The following CFLAR variants were observed in gnomAD, a reference collection of about 807,000 sequenced individuals.
CFLAR encodes the protein CASP8 and FADD-like apoptosis regulator.
Under a neutral mutation model 51.1 loss-of-function variants are expected in CFLAR, and 14 were observed. That is an observed-to-expected ratio of 0.27 (90% confidence interval 0.18 to 0.43). The LOEUF (loss-of-function observed/expected upper bound fraction) is 0.43. CFLAR is among the 20% of genes least tolerant of loss of function. CFLAR has a pLI of 1.00. For missense variants in CFLAR, 390 were observed against 566.5 expected, an observed-to-expected ratio of 0.69 and a Z score of 3.16; for synonymous variants, 210 against 211.6, an observed-to-expected ratio of 0.99 and a Z score of 0.06.
At chr2:201,136,432 T>C (rs1205541408) in intron 4 of CFLAR, 1 of 1,598,378 alleles carries the variant, frequency 6.3e-7, no homozygotes, top group Non-Finnish European at 8.5e-7. Context: ...TGCTGAACCC[T>C]ACTGCCTTGC....
chr2:201,161,037 C>T (rs1942924753), intron 9 of CFLAR, 95 bp downstream of exon 9: 1 of 849,520 alleles, frequency 1.2e-6, no homozygotes, highest in Admixed American at 2.5e-5. Flanking sequence ...CTGCCCATCT[C>T]TTCCGGGAGG....
At position 201,138,402 on chromosome 2, in the gene CFLAR, C is replaced by T; in HGVS notation, c.524-1955C>T. 1.3e-6 allele frequency: 1 copy of T among 783,574 alleles called. No individual in the cohort carries two copies. The highest frequency in any genetic ancestry group is 2.3e-6 in the Non-Finnish European group (1 of 428,398). 48.5% of individuals were successfully genotyped at this position (783,574 alleles called of 1,614,324 possible). ...TTCAGCGCGGTGCAGGTGATAATGG[C>T]CACCAGCTCATCGCGATCATTGACG... On this transcript the variant is annotated intron_variant, in intron 4 of 9. Coordinates refer to ENST00000309955, the MANE Select transcript of CFLAR (RefSeq NM_003879.7). This position sits in a 1 kb window ranked among gnomAD's most constrained non-coding sequence, Gnocchi z 4.0.
Position 201,133,085 on chromosome 2 carries a change from T to C in CFLAR, c.338T>C (p.Ile113Thr), listed in dbSNP as rs1327752595. Reference sequence around the variant, plus strand: ...GATAAATCTGATGTGTCCTCATTAATTTTCCTCATGAAGGATTACATGGGC... The same window carrying C: ...GATAAATCTGATGTGTCCTCATTAACTTTCCTCATGAAGGATTACATGGGC... ...DLDKSDVSSL[I>T]FLMKDYMGRG... Residue 113 changes from isoleucine (I) to threonine (T), a missense_variant, in exon 3 of 10, where the codon ATT becomes ACT. Coordinates refer to ENST00000309955, the MANE Select transcript of CFLAR (RefSeq NM_003879.7). 1.2e-6 allele frequency: 2 copies of C among 1,612,806 alleles called. No individual in the cohort carries two copies. Among genetic ancestry groups the C allele is most frequent in the African/African-American group, 2.7e-5 (2 of 74,898 alleles).
chr2:201,119,845 T>G lies in CFLAR; in HGVS notation c.-138+3364T>G, dbSNP rs547147116. Among the ~76,000 whole-genome samples, 11 of 151,968 alleles carry G rather than the reference T, an allele frequency of 7.2e-5. No homozygotes were observed. In the East Asian group the frequency reaches 1.3e-3, roughly 19 times the overall value. ...CCAAAGGTTTCAGTTTAATGTTTTT[T>G]TTTTTTTTTTCACACATGTGCGCTC... On this transcript the variant is annotated intron_variant, in intron 1 of 9. Coordinates refer to ENST00000309955, the MANE Select transcript of CFLAR (RefSeq NM_003879.7).
intron 5 of CFLAR, among the ~76,000 whole-genome samples, chr2:201,145,113 A>C (rs1373188396): frequency 6.6e-6 from 1 of 152,184 alleles, no homozygotes; most frequent in East Asian, 1.9e-4. Context: ...TTGGCATCCC[A>C]AGGTGTTGGG....
intron 9 of CFLAR, among the ~76,000 whole-genome samples, chr2:201,161,458 G>A (rs921760298): frequency 1.3e-5 from 2 of 150,516 alleles, no homozygotes; most frequent in Non-Finnish European, 3.0e-5. Flanking sequence ...CTGTTGCCCA[G>A]GCTGGAGTGC....
Position 201,138,957 on chromosome 2 carries a change from C to A in CFLAR, c.524-1400C>A. Reference sequence around the variant, plus strand: ...ATGAATCCTGGGAGAATCAAGAAGTCGTTGTAGGTGAGTCCCTGGTCACTG... The same window carrying A: ...ATGAATCCTGGGAGAATCAAGAAGTAGTTGTAGGTGAGTCCCTGGTCACTG... On this transcript the variant is annotated intron_variant, in intron 4 of 9. Transcript: ENST00000309955. This position sits in a 1 kb window ranked among gnomAD's most constrained non-coding sequence, Gnocchi z 4.0. 1.7e-6 allele frequency: 1 copy of A among 592,770 alleles called. No homozygotes were observed. Among genetic ancestry groups the A allele is most frequent in the Non-Finnish European group, 3.2e-6 (1 of 308,814 alleles). The allele number at this position is 592,770 out of a possible 1,614,324, so 36.7% of individuals were successfully genotyped here.
At chr2:201,162,802 C>T (rs1468792038) in intron 9 of CFLAR, 1 of 491,938 alleles carries the variant, frequency 2.0e-6, no homozygotes, top group Non-Finnish European at 3.7e-6. Flanking sequence ...AACAGTAGAT[C>T]ACAAACATTT....
rs151005360 is a variant in CFLAR, at chr2:201,123,547, T to G, written c.-137-6182T>G. 8.3e-4 allele frequency among the ~76,000 whole-genome samples: 126 copies of G among 152,268 alleles called. 1 individual carries two copies. Among genetic ancestry groups the G allele is most frequent in the African/African-American group, 2.8e-3 (115 of 41,546 alleles). ...AAACTCCCTTTATCAGCCCCCTTTA[T>G]AAGGGCATCTAATCCCATTCAGGAG... On this transcript the variant is annotated intron_variant, in intron 1 of 9. Transcript: ENST00000309955.
chr2:201,123,264 G>A (rs1438803706), intron 1 of CFLAR, among the ~76,000 whole-genome samples: 1 of 152,144 alleles, frequency 6.6e-6, no homozygotes, highest in Non-Finnish European at 1.5e-5. Context: ...GGAATTTGTG[G>A]GAGCTTCCTT....
chr2:201,158,912 C>T (rs906293941), intron 8 of CFLAR, among the ~76,000 whole-genome samples: 5 of 150,618 alleles, frequency 3.3e-5, no homozygotes, highest in African/African-American at 1.2e-4. Flanking sequence ...GAGTTCTGCT[C>T]TGTTGCCCAG....
intron 8 of CFLAR, among the ~76,000 whole-genome samples, chr2:201,159,437 GTA>G (rs1176588082): frequency 6.6e-5 from 10 of 152,008 alleles, no homozygotes; most frequent in Non-Finnish European, 1.3e-4. Flanking sequence ...AGCCTCCTGA[GTA>G]GCTGGGACTA....
chr2:201,137,567 C>A, intron 4 of CFLAR: 1 of 724,084 alleles, frequency 1.4e-6, no homozygotes, highest in Non-Finnish European at 2.6e-6. Flanking sequence ...CACCGTCGAT[C>A]TGGGCTGACA....
In CFLAR at chr2:201,124,799, A is replaced by G. The variant is rs1351073722; in HGVS notation, c.-137-4930A>G. 6.6e-6 allele frequency among the ~76,000 whole-genome samples: 1 copy of G among 152,116 alleles called. No homozygotes were observed. The highest frequency in any genetic ancestry group is 1.5e-5 in the Non-Finnish European group (1 of 68,012). ...CAGGTGCAGAAAGAGTATGCTGAGGAGTAGAAGAAAGTTAGAGAAGGGTCT... is the reference window on the plus strand; with the variant it reads ...CAGGTGCAGAAAGAGTATGCTGAGGGGTAGAAGAAAGTTAGAGAAGGGTCT... On this transcript the variant is annotated intron_variant, in intron 1 of 9. Transcript: ENST00000309955. The surrounding 1 kb of genome is among the most constrained non-coding windows in gnomAD (Gnocchi z 4.7).
intron 1 of CFLAR, chr2:201,122,610 G>C (rs144742258): frequency 1.2e-4 from 18 of 152,304 alleles, no homozygotes; most frequent in African/African-American, 4.1e-4. Flanking sequence ...GTACTCAACT[G>C]AGTCTCACAT....
chr2:201,121,259 T>G (rs2048162428), intron 1 of CFLAR, among the ~76,000 whole-genome samples: 1 of 152,218 alleles, frequency 6.6e-6, no homozygotes, highest in Admixed American at 6.5e-5. Flanking sequence ...TAATAAAATA[T>G]GTGGTAGCAC....
chr2:201,130,353 CTTTTTTTT>C (rs771361555), intron 2 of CFLAR, among the ~76,000 whole-genome samples: 938 of 92,232 alleles, frequency 0.01, 15 homozygotes, highest in African/African-American at 0.042. Context: ...TTCTTTCTTT[CTTTTTTTT>C]TTTTTTTTTT....
rs2125927580 is a variant in CFLAR at position 201,160,554 on chromosome 2, G to A, written c.916G>A (p.Asp306Asn). 6.2e-7 allele frequency: 1 copy of A among 1,613,258 alleles called. No individual in the cohort carries two copies. Among genetic ancestry groups the A allele is most frequent in the Non-Finnish European group, 8.5e-7 (1 of 1,179,792 alleles). ...FACMPEHRDY[D>N]SFVCVLVSRG... ...CTGTATGCCCGAGCACCGAGACTAC[G>A]ACAGCTTTGTGTGTGTCCTGGTGAG... The change falls in exon 9 of 10, where the codon GAC becomes AAC. Residue 306 changes from aspartate to asparagine, a missense_variant. Physicochemically the swap from Asp to Asn is conservative, Grantham distance 23 (BLOSUM62 1). This residue lies in a region of CFLAR where 287 missense variants were observed against 363.6 expected (regional missense o/e 0.79). Transcript: ENST00000309955.
chr2:201,130,870 G>A lies in CFLAR; in HGVS notation c.281+724G>A, dbSNP rs546910625. Among the ~76,000 whole-genome samples the A allele has an allele frequency of 4.6e-5, 7 of 152,218 alleles. No individual in the cohort carries two copies. The East Asian group carries it at 1.3e-3, about 29-fold the overall frequency. On this transcript the variant is annotated intron_variant, in intron 2 of 9. Transcript: ENST00000309955. ...TGAAGTCAGTCCTTGATAATTTGTGGTACAAAGAAAGGAAATAACAAGTCT... is the reference window on the plus strand; with the variant it reads ...TGAAGTCAGTCCTTGATAATTTGTGATACAAAGAAAGGAAATAACAAGTCT...
Sources: allele counts gnomAD v4.1 joint callset (sites outside exome capture counted in the v4.1 genomes callset), GRCh38; gene constraint gnomAD v4.1.1; regional missense constraint gnomAD v4.1.1; non-coding constraint Gnocchi (gnomAD v3.1); transcripts MANE v1.5; gene names NCBI Gene and HGNC (gene_info 2026-07-23, HGNC 2026-07-21).